Variants in SGCZ observed in about 807,000 individuals in gnomAD.
The protein encoded by SGCZ is sarcoglycan zeta.
Under a neutral mutation model 41.3 loss-of-function variants are expected in SGCZ, and 40 were observed. That is an observed-to-expected ratio of 0.97 (90% CI 0.75 to 1.26). SGCZ has a LOEUF of 1.26. Among genes scored for constraint, SGCZ ranks in the 50% most tolerant of loss-of-function variants. The pLI, the probability that SGCZ is intolerant of heterozygous loss-of-function variation, is 0.00. For missense variants in SGCZ, 552 were observed against 369.8 expected (o/e 1.49, Z -4.04); for synonymous variants, 206 against 137.5 (o/e 1.50, Z -3.49).
At chr8:14,377,957 C>G (rs1412902171) in intron 2 of SGCZ, among the ~76,000 whole-genome samples, 1 of 150,244 alleles carries the variant, frequency 6.7e-6, no homozygotes, top group Admixed American at 6.6e-5. Context: ...GGTTCCAAGT[C>G]TTTGCTATTG....
At chr8:15,097,252 T>C (rs550529210) in intron 1 of SGCZ, among the ~76,000 whole-genome samples, 39 of 152,322 alleles carry the variant, frequency 2.6e-4, no homozygotes, top group African/African-American at 9.1e-4. Context: ...ATACTTGTAA[T>C]ATTTACTCTA....
chr8:15,031,384 G>C (rs1278170181), intron 1 of SGCZ, among the ~76,000 whole-genome samples: 1 of 152,076 alleles, frequency 6.6e-6, no homozygotes, highest in Non-Finnish European at 1.5e-5. Flanking sequence ...AGAGAGTGTT[G>C]AATCTGAACT....
intron 1 of SGCZ, among the ~76,000 whole-genome samples, chr8:14,596,397 C>G (rs1380256403): frequency 6.6e-6 from 1 of 152,048 alleles, no homozygotes; most frequent in Non-Finnish European, 1.5e-5. Context: ...GACAATTTAT[C>G]ACTCGGCAAT....
Position 14,869,780 on chromosome 8 carries a change from C to T in SGCZ, c.40-314854G>A, listed in dbSNP as rs147787325. Among the ~76,000 whole-genome samples, 420 of 152,260 alleles carry T rather than the reference C, an allele frequency of 2.8e-3. 2 individuals carry two copies. The highest frequency in any genetic ancestry group is 9.7e-3 in the African/African-American group (401 of 41,554). On this transcript the variant is annotated intron_variant, in intron 1 of 7. Transcript: ENST00000382080. ...ATCAATGTGAAAAATCACAAGAATT[C>T]CTATACACCAACAATAGACAAACAG...
intron 1 of SGCZ, among the ~76,000 whole-genome samples, chr8:14,826,127 C>G (rs1802302025): frequency 7.1e-6 from 1 of 141,818 alleles, no homozygotes; most frequent in Non-Finnish European, 1.5e-5. Flanking sequence ...TGCTCCCCTT[C>G]CTGTGTCCAT....
At chr8:14,731,426 C>G (rs990582873) in intron 1 of SGCZ, among the ~76,000 whole-genome samples, 3 of 151,918 alleles carry the variant, frequency 2.0e-5, no homozygotes, top group African/African-American at 7.3e-5. Flanking sequence ...AGGAGAAATA[C>G]CTGATGTAGA....
chr8:14,696,464 C>T (rs1398107987), intron 1 of SGCZ, among the ~76,000 whole-genome samples: 1 of 152,110 alleles, frequency 6.6e-6, no homozygotes, highest in East Asian at 1.9e-4. Context: ...TGTTCTTACA[C>T]ATCCATGGAA....
At chr8:15,124,189 G>C (rs1807591479) in intron 1 of SGCZ, among the ~76,000 whole-genome samples, 1 of 152,200 alleles carries the variant, frequency 6.6e-6, no homozygotes, top group Non-Finnish European at 1.5e-5. Flanking sequence ...GACTACTGTA[G>C]TCATCCATGA....
intron 6 of SGCZ, among the ~76,000 whole-genome samples, chr8:14,105,358 A>C (rs907906212): frequency 6.6e-6 from 1 of 152,086 alleles, no homozygotes; most frequent in East Asian, 1.9e-4. Flanking sequence ...TTTCTTTTCT[A>C]AAGTCTTTTT....
In SGCZ at chr8:14,479,731, C is replaced by CTTTTTTTTTTTTT. The variant is rs529812029; in HGVS notation, c.234+74988_234+75000dup. On this transcript the variant is annotated intron_variant, in intron 2 of 7. Transcript: ENST00000382080. ...GTCGCATACCTCCAGAATTCTACTT[C>CTTTTTTTTTTTTT]TTTTTTTTTTTTTTTTTTTTTTTTT... 2.2e-3 allele frequency among the ~76,000 whole-genome samples: 118 copies of CTTTTTTTTTTTTT among 52,926 alleles called. 10 individuals carry two copies. The highest frequency in any genetic ancestry group is 6.8e-3 in the East Asian group (7 of 1,036). The allele number at this position is 52,926 out of a possible 152,430, so 34.7% of individuals were successfully genotyped here. A position where few individuals can be genotyped will look rare whatever the true frequency, so the allele number is the denominator to read the frequency against.
intron 2 of SGCZ, among the ~76,000 whole-genome samples, chr8:14,460,532 G>A (rs2116950419): frequency 6.6e-6 from 1 of 152,234 alleles, no homozygotes; most frequent in East Asian, 1.9e-4. Context: ...CATTGACAGT[G>A]GGAGAGGGTC....
chr8:15,070,595 G>C (rs548711260), intron 1 of SGCZ, among the ~76,000 whole-genome samples: 1 of 152,224 alleles, frequency 6.6e-6, no homozygotes, highest in South Asian at 2.1e-4. Flanking sequence ...CTTCCAGAAA[G>C]ACTTTGAAAT....
At chr8:14,178,343 G>C (rs1330629968) in intron 4 of SGCZ, among the ~76,000 whole-genome samples, 3 of 152,144 alleles carry the variant, frequency 2.0e-5, no homozygotes, top group East Asian at 3.9e-4. Context: ...AAGTAAAAGA[G>C]GTTTTTAGAA....
intron 1 of SGCZ, among the ~76,000 whole-genome samples, chr8:14,673,479 T>C (rs774507500): frequency 7.9e-5 from 12 of 152,006 alleles, no homozygotes; most frequent in Non-Finnish European, 1.6e-4. Context: ...TCTCTCTCTC[T>C]CCTGCCATCT....
chr8:14,767,621 T>A (rs547428678), intron 1 of SGCZ, among the ~76,000 whole-genome samples: 1 of 152,332 alleles, frequency 6.6e-6, no homozygotes, highest in African/African-American at 2.4e-5. Flanking sequence ...TGAACCATTC[T>A]CTTTATTTCA....
intron 2 of SGCZ, among the ~76,000 whole-genome samples, chr8:14,451,270 C>T (rs990232042): frequency 9.2e-5 from 14 of 152,204 alleles, no homozygotes; most frequent in African/African-American, 2.6e-4. Context: ...TTCTGTCCTA[C>T]GTTCATTTTT....
chr8:14,757,330 T>C (rs1343280007), intron 1 of SGCZ, among the ~76,000 whole-genome samples: 2 of 152,194 alleles, frequency 1.3e-5, no homozygotes, highest in African/African-American at 4.8e-5. Context: ...ACTGCAGGCG[T>C]GAGCCACCGT....
At chr8:14,116,090 A>G (rs1231977061) in intron 5 of SGCZ, among the ~76,000 whole-genome samples, 1 of 152,090 alleles carries the variant, frequency 6.6e-6, no homozygotes, top group Non-Finnish European at 1.5e-5. Flanking sequence ...GAAAATAAAA[A>G]TCAGTAAAGA....
chr8:15,173,074 C>G (rs925523988), intron 1 of SGCZ, among the ~76,000 whole-genome samples: 2 of 152,104 alleles, frequency 1.3e-5, no homozygotes, highest in Non-Finnish European at 2.9e-5. Context: ...TCACTGTAGT[C>G]TAAGGGGTTG....
Sources: gnomAD v4.1 joint callset for allele counts (sites outside exome capture counted in the v4.1 genomes callset) on GRCh38, gnomAD v4.1.1 for gene constraint, MANE v1.5 for transcripts, NCBI Gene and HGNC (gene_info 2026-07-23, HGNC 2026-07-21) for gene names.